The following ARHGAP12 variants were observed in gnomAD, a reference collection of about 807,000 sequenced individuals.
ARHGAP12 encodes the protein rho GTPase-activating protein 12.
In ARHGAP12, 64 loss-of-function variants were observed where a neutral mutation model predicts 108.6. The observed-to-expected ratio is 0.59, with a 90% confidence interval of 0.48 to 0.73. ARHGAP12 has a LOEUF of 0.73. Among genes scored for constraint, ARHGAP12 ranks in the 30% least tolerant of loss-of-function variants. The probability of loss-of-function intolerance (pLI) is 0.00; values close to 1 mark genes in which losing one functional copy is unlikely to be tolerated. For missense variants in ARHGAP12, 940 were observed against 1,005.9 expected (o/e 0.93, Z 0.89); for synonymous variants, 312 against 337.2 (o/e 0.93, Z 0.82).
chr10:31,838,575 A>G (rs962551526), intron 9 of ARHGAP12, among the ~76,000 whole-genome samples: 2 of 152,028 alleles, frequency 1.3e-5, no homozygotes, highest in Admixed American at 6.6e-5. Flanking sequence ...CATGCCTGTA[A>G]TCCCAGCACT....
intron 3 of ARHGAP12, among the ~76,000 whole-genome samples, chr10:31,885,045 C>T (rs910485280): frequency 6.6e-6 from 1 of 151,846 alleles, no homozygotes; most frequent in Non-Finnish European, 1.5e-5. Context: ...ATAAGCACAT[C>T]CTGGAGAGCA....
chr10:31,899,798 G>A (rs184970445), intron 3 of ARHGAP12, among the ~76,000 whole-genome samples: 89 of 152,250 alleles, frequency 5.8e-4, no homozygotes, highest in African/African-American at 1.9e-3. Flanking sequence ...AAATCTAGGT[G>A]ACTTTTGGTT....
At chr10:31,846,647 A>AG (rs1435018236) in intron 6 of ARHGAP12, among the ~76,000 whole-genome samples, 1 of 152,060 alleles carries the variant, frequency 6.6e-6, no homozygotes, top group Non-Finnish European at 1.5e-5. Flanking sequence ...TATCAGGGGG[A>AG]GGGAGGGTCT....
intron 3 of ARHGAP12, among the ~76,000 whole-genome samples, chr10:31,891,369 G>T (rs1412682064): frequency 6.6e-6 from 1 of 152,084 alleles, no homozygotes. Flanking sequence ...TTAAATTCTG[G>T]GTTGAAAATT....
intron 1 of ARHGAP12, among the ~76,000 whole-genome samples, chr10:31,912,524 A>T (rs1839395611): frequency 6.6e-6 from 1 of 152,214 alleles, no homozygotes; most frequent in Non-Finnish European, 1.5e-5. Flanking sequence ...GGAGTTAGGG[A>T]GAAAGATAAA....
At position 31,852,520 on chromosome 10, in the gene ARHGAP12, T is replaced by C. The variant is rs745374210; in HGVS notation, c.1167A>G (p.Pro389=). 2.3e-5 allele frequency: 37 copies of C among 1,605,900 alleles called. No individual in the cohort carries two copies. The East Asian group carries it at 3.3e-4, about 15-fold the overall frequency. The change falls in exon 6 of 20, where the codon CCA becomes CCG. Residue 389 remains proline, a synonymous_variant. Coordinates refer to ENST00000344936, the MANE Select transcript of ARHGAP12 (RefSeq NM_018287.7). Reference sequence around the variant, plus strand: ...ATTCGGTGTCAAGGTTTATTACCTTTGGCAATTCCCATTCTGACCGAGATC... The same window carrying C: ...ATTCGGTGTCAAGGTTTATTACCTTCGGCAATTCCCATTCTGACCGAGATC... The part of the protein sequence containing the change: ...ADGSRSEWEL[P]KYNASSQQQR...
chr10:31,841,733 T>C (rs1270129755), intron 7 of ARHGAP12, among the ~76,000 whole-genome samples: 1 of 152,182 alleles, frequency 6.6e-6, no homozygotes, highest in African/African-American at 2.4e-5. Context: ...AATGGTATTT[T>C]CAACTTATGT....
intron 5 of ARHGAP12, 43 bp from the exon 6 acceptor site, chr10:31,852,640 A>C: frequency 7.2e-7 from 1 of 1,386,024 alleles, no homozygotes; most frequent in Non-Finnish European, 1.0e-6. Flanking sequence ...TTTAAATAAA[A>C]GTGAGTTTAA....
chr10:31,926,915 T>C (rs1840071949), intron 1 of ARHGAP12, among the ~76,000 whole-genome samples: 1 of 152,164 alleles, frequency 6.6e-6, no homozygotes, highest in Middle Eastern at 3.2e-3. Context: ...ACAACTAATA[T>C]ATATATAACT....
intron 9 of ARHGAP12, among the ~76,000 whole-genome samples, chr10:31,834,939 G>A (rs562104890): frequency 6.6e-6 from 1 of 152,248 alleles, no homozygotes; most frequent in Non-Finnish European, 1.5e-5. Flanking sequence ...GGTGGCTCAC[G>A]CCTGTAATCT....
intron 14 of ARHGAP12, among the ~76,000 whole-genome samples, chr10:31,813,203 C>T (rs1835082752): frequency 6.6e-6 from 1 of 152,030 alleles, no homozygotes; most frequent in Non-Finnish European, 1.5e-5. Flanking sequence ...AGTAAAAATA[C>T]ATAAAATACA....
intron 10 of ARHGAP12, among the ~76,000 whole-genome samples, chr10:31,828,533 C>G (rs1396026893): frequency 1.3e-5 from 2 of 152,072 alleles, no homozygotes; most frequent in Non-Finnish European, 2.9e-5. Context: ...CCTATTTCCA[C>G]TTTAAGTAAG....
intron 11 of ARHGAP12, among the ~76,000 whole-genome samples, chr10:31,824,018 T>C (rs1564371863): frequency 2.6e-5 from 4 of 152,194 alleles, no homozygotes; most frequent in African/African-American, 7.2e-5. Flanking sequence ...GAGCATCTTG[T>C]ATGTTTCTCT....
At chr10:31,906,370 G>C (rs1252755827) in intron 3 of ARHGAP12, among the ~76,000 whole-genome samples, 1 of 152,098 alleles carries the variant, frequency 6.6e-6, no homozygotes, top group East Asian at 1.9e-4. Flanking sequence ...CAAGAACCGT[G>C]ACCCCAATTT....
intron 3 of ARHGAP12, among the ~76,000 whole-genome samples, chr10:31,862,399 C>T (rs1485165688): frequency 6.6e-6 from 1 of 151,962 alleles, no homozygotes; most frequent in African/African-American, 2.4e-5. Context: ...TTTTAAATAT[C>T]TCACTAGATG....
At chr10:31,923,610 A>G (rs1380308348) in intron 1 of ARHGAP12, among the ~76,000 whole-genome samples, 2 of 152,218 alleles carry the variant, frequency 1.3e-5, no homozygotes, top group Admixed American at 1.3e-4. Flanking sequence ...AAAGGAACGA[A>G]CTGTTGATAC....
chr10:31,895,194 G>T (rs1326652714), intron 3 of ARHGAP12, among the ~76,000 whole-genome samples: 2 of 152,128 alleles, frequency 1.3e-5, no homozygotes, highest in African/African-American at 2.4e-5. Context: ...CATGGGCAAG[G>T]ACTTCATGTC....
chr10:31,839,170 T>C, intron 9 of ARHGAP12, 135 bp downstream of exon 9: 2 of 881,698 alleles, frequency 2.3e-6, no homozygotes, highest in South Asian at 2.1e-5. Flanking sequence ...CACATGGAGG[T>C]TTTCCAGTTT....
At chr10:31,832,793 C>T (rs1835880865) in intron 9 of ARHGAP12, among the ~76,000 whole-genome samples, 1 of 151,884 alleles carries the variant, frequency 6.6e-6, no homozygotes, top group African/African-American at 2.4e-5. Context: ...TAATATTGAG[C>T]ATTTTTTTTA....
Sources: allele counts gnomAD v4.1 joint callset (sites outside exome capture counted in the v4.1 genomes callset), GRCh38; gene constraint gnomAD v4.1.1; transcripts MANE v1.5; gene names NCBI Gene and HGNC (gene_info 2026-07-23, HGNC 2026-07-21).